PPFIA2: variants seen among roughly 807,000 people sequenced by gnomAD.
PPFIA2 encodes liprin-alpha-2.
PPFIA2 carries 46 observed loss-of-function variants against 175.5 expected under a neutral mutation model. That is an observed-to-expected ratio of 0.26 (90% confidence interval 0.21 to 0.34). The LOEUF (loss-of-function observed/expected upper bound fraction) is 0.34. PPFIA2 is among the 10% of genes least tolerant of loss of function. The pLI, the probability that PPFIA2 is intolerant of heterozygous loss-of-function variation, is 1.00. For synonymous variants in PPFIA2, 568 were observed against 511.4 expected, an observed-to-expected ratio of 1.11 and a Z score of -1.49; for missense variants, 1,179 against 1,506.1, an observed-to-expected ratio of 0.78 and a Z score of 3.60.
intron 4 of PPFIA2, among the ~76,000 whole-genome samples, chr12:81,674,766 C>G (rs938665650): frequency 6.6e-6 from 1 of 151,904 alleles, no homozygotes; most frequent in African/African-American, 2.4e-5. Flanking sequence ...AGTTTTCTAA[C>G]TTGGAGGCAA....
chr12:81,289,751 T>C lies in PPFIA2; in HGVS notation c.2925+5084A>G, dbSNP rs781124205. Among the ~76,000 whole-genome samples the C allele has an allele frequency of 8.4e-4, 127 of 151,992 alleles. 1 individual carries two copies. Among genetic ancestry groups the C allele is most frequent in the Middle Eastern group, 3.4e-3 (1 of 294 alleles). On this transcript the variant is annotated intron_variant, in intron 24 of 32. Coordinates refer to ENST00000549396, the MANE Select transcript of PPFIA2 (RefSeq NM_003625.5). ...ATTGGAAACATACACAAAAATAGTTTTAGGTGCTCCATCTAAATTTGCAAT... is the reference window on the plus strand; with the variant it reads ...ATTGGAAACATACACAAAAATAGTTCTAGGTGCTCCATCTAAATTTGCAAT...
chr12:81,277,337 G>C lies in PPFIA2; in HGVS notation c.3290C>G (p.Ala1097Gly). 3 of 1,567,718 alleles carry C rather than the reference G, an allele frequency of 1.9e-6. No individual in the cohort carries two copies. Among genetic ancestry groups the C allele is most frequent in the South Asian group, 1.2e-5 (1 of 85,392 alleles). Residue 1097 changes from alanine (A) to glycine (G), a missense_variant, in exon 28 of 33, where the codon GCA becomes GGA. By Grantham distance (60) the Ala-to-Gly change is moderately conservative. This residue lies in a region of PPFIA2 where 245 missense variants were observed against 375.1 expected (regional missense o/e 0.65). Coordinates refer to ENST00000549396, the MANE Select transcript of PPFIA2 (RefSeq NM_003625.5). ...ATTACCTTTTATTTCATGTTGGCTT[G>C]CTTCCCGTCTTCTTTCTAGTTCTTT... The part of the protein sequence containing the change: ...DRKELERRRE[A>G]SQHEIKDVLV...
At chr12:81,560,236 G>A (rs2153389299) in intron 4 of PPFIA2, among the ~76,000 whole-genome samples, 2 of 151,812 alleles carry the variant, frequency 1.3e-5, no homozygotes, top group Middle Eastern at 6.8e-3. Context: ...TTGTGGTGGG[G>A]GGTATGTGTG....
At chr12:81,509,006 T>C (rs2061495929) in intron 4 of PPFIA2, among the ~76,000 whole-genome samples, 1 of 152,112 alleles carries the variant, frequency 6.6e-6, no homozygotes, top group African/African-American at 2.4e-5. Flanking sequence ...ATATACACCA[T>C]GGACTACTAT....
intron 4 of PPFIA2, among the ~76,000 whole-genome samples, chr12:81,548,432 T>A (rs2153362898): frequency 6.6e-6 from 1 of 152,282 alleles, no homozygotes; most frequent in Non-Finnish European, 1.5e-5. Flanking sequence ...CACATCAAGA[T>A]TCTGATTTTT....
chr12:81,700,246 T>G (rs1353306528), intron 3 of PPFIA2, among the ~76,000 whole-genome samples: 3 of 152,074 alleles, frequency 2.0e-5, no homozygotes, highest in Non-Finnish European at 2.9e-5. Flanking sequence ...CTTTATCTCT[T>G]CTAGTGTTTA....
At chr12:81,295,155 G>T (rs2046149178) in intron 23 of PPFIA2, 120 bp from the exon 24 acceptor site, 5 of 895,214 alleles carry the variant, frequency 5.6e-6, no homozygotes, top group Non-Finnish European at 8.4e-6. Context: ...GAGATAAAAT[G>T]TTATCATTAT....
chr12:81,455,312 T>C (rs2053393592), intron 5 of PPFIA2, among the ~76,000 whole-genome samples: 1 of 152,140 alleles, frequency 6.6e-6, no homozygotes, highest in Non-Finnish European at 1.5e-5. Flanking sequence ...TAAGGAGTTA[T>C]TATATAATTA....
chr12:81,357,098 A>G (rs1396229413), intron 16 of PPFIA2, among the ~76,000 whole-genome samples: 2 of 152,194 alleles, frequency 1.3e-5, no homozygotes, highest in Non-Finnish European at 2.9e-5. Flanking sequence ...GGAAGACCAC[A>G]TGATACTTCC....
chr12:81,299,564 C>T (rs866227923), intron 22 of PPFIA2, among the ~76,000 whole-genome samples, 182 bp from the exon 23 acceptor site: 8 of 152,074 alleles, frequency 5.3e-5, no homozygotes, highest in South Asian at 2.1e-4. Flanking sequence ...GATTTTATTA[C>T]GAATGAAGCA....
Position 81,500,964 on chromosome 12 carries a change from ATAG to A in PPFIA2, c.304-43101_304-43099del, listed in dbSNP as rs557984568. On this transcript the variant is annotated intron_variant, in intron 4 of 32. Transcript: ENST00000549396. ...GAAGAGGTCAAAACCGTTGCCAAAA[ATAG>A]TAGTTGCCCTACTTCAGTCTATTTT... Among the ~76,000 whole-genome samples, 56 of 152,326 alleles carry A rather than the reference ATAG, an allele frequency of 3.7e-4. No individual in the cohort carries two copies. The East Asian group carries it at 0.01, about 28-fold the overall frequency.
intron 4 of PPFIA2, among the ~76,000 whole-genome samples, chr12:81,474,705 T>A (rs2146431583): frequency 6.6e-6 from 1 of 152,346 alleles, no homozygotes. Context: ...TATTACTTTT[T>A]GACTGTATTC....
intron 4 of PPFIA2, among the ~76,000 whole-genome samples, chr12:81,549,903 A>C (rs899488413): frequency 6.6e-6 from 1 of 151,592 alleles, no homozygotes; most frequent in African/African-American, 2.4e-5. Flanking sequence ...TTTAATCTCT[A>C]TTTCCCCTCG....
chr12:81,441,966 G>A (rs1449972976), intron 6 of PPFIA2, among the ~76,000 whole-genome samples: 2 of 151,938 alleles, frequency 1.3e-5, no homozygotes, highest in South Asian at 4.1e-4. Context: ...AAAGTCATTC[G>A]CATAATATAA....
intron 7 of PPFIA2, 130 bp downstream of exon 7, chr12:81,439,842 G>T: frequency 1.3e-6 from 1 of 796,482 alleles, no homozygotes; most frequent in Non-Finnish European, 2.0e-6. Context: ...ATTTCAACAA[G>T]CCTTGTTCAA....
intron 4 of PPFIA2, among the ~76,000 whole-genome samples, chr12:81,569,326 A>G (rs2072014283): frequency 6.6e-6 from 1 of 152,188 alleles, no homozygotes. Context: ...TAAAATTGCT[A>G]TTTTAAGATG....
At chr12:81,452,861 T>G (rs1456927291) in intron 5 of PPFIA2, among the ~76,000 whole-genome samples, 1 of 152,232 alleles carries the variant, frequency 6.6e-6, no homozygotes, top group East Asian at 1.9e-4. Context: ...AATGCAATTA[T>G]GTCTTCTTTT....
At position 81,478,934 on chromosome 12, in the gene PPFIA2, C is replaced by T. The variant is rs145487891; in HGVS notation, c.304-21068G>A. On this transcript the variant is annotated intron_variant, in intron 4 of 32. Transcript: ENST00000549396. ...GAGTTCTGTGGATGTCTATTGAGTCCACTTGGTCCAGAGCTGAATTCGAGT... is the reference window on the plus strand; with the variant it reads ...GAGTTCTGTGGATGTCTATTGAGTCTACTTGGTCCAGAGCTGAATTCGAGT... Among the ~76,000 whole-genome samples, 202 of 152,128 alleles carry T rather than the reference C, an allele frequency of 1.3e-3. 1 individual carries two copies. The highest frequency in any genetic ancestry group is 2.3e-3 in the Non-Finnish European group (158 of 68,002).
intron 4 of PPFIA2, among the ~76,000 whole-genome samples, chr12:81,490,098 C>CTACATGGCTGATGTTGAAT (rs1567038691): frequency 6.6e-6 from 1 of 151,860 alleles, no homozygotes; most frequent in Non-Finnish European, 1.5e-5. Context: ...GCAGTATTGG[C>CTACATGGCTGATGTTGAAT]TACATGGCTG....
Sources: allele counts gnomAD v4.1 joint callset (sites outside exome capture counted in the v4.1 genomes callset), GRCh38; gene constraint gnomAD v4.1.1; regional missense constraint gnomAD v4.1.1; transcripts MANE v1.5; gene names NCBI Gene and HGNC (gene_info 2026-07-23, HGNC 2026-07-21).